IQCJ: variants seen among roughly 807,000 people sequenced by gnomAD.
IQCJ encodes IQ domain-containing protein J.
A neutral mutation model predicts 11.0 loss-of-function variants in IQCJ; 9 were observed. The ratio of observed to expected loss-of-function variants is 0.82; its 90% CI spans 0.49 to 1.43. The LOEUF is 1.43. Among genes scored for constraint, IQCJ ranks in the 40% most tolerant of loss-of-function variants. The pLI, the probability that IQCJ is intolerant of heterozygous loss-of-function variation, is 0.00. For missense variants in IQCJ, 146 were observed against 133.2 expected, an observed-to-expected ratio of 1.10 and a Z score of -0.47; for synonymous variants, 55 against 51.3, an observed-to-expected ratio of 1.07 and a Z score of -0.31.
intron 1 of IQCJ, among the ~76,000 whole-genome samples, chr3:159,202,395 G>C (rs756587713): frequency 6.6e-6 from 1 of 152,188 alleles, no homozygotes; most frequent in Non-Finnish European, 1.5e-5. Flanking sequence ...GAAAAATAAA[G>C]ATGCAATTTA....
At chr3:159,169,505 G>A (rs1400560585) in intron 1 of IQCJ, among the ~76,000 whole-genome samples, 1 of 151,578 alleles carries the variant, frequency 6.6e-6, no homozygotes, top group African/African-American at 2.4e-5. Flanking sequence ...GGTCAGGCTG[G>A]TCTCAAACTA....
At chr3:159,199,033 A>G (rs1024334934) in intron 1 of IQCJ, among the ~76,000 whole-genome samples, 4 of 152,206 alleles carry the variant, frequency 2.6e-5, no homozygotes, top group African/African-American at 9.7e-5. Flanking sequence ...CTATTTCTGG[A>G]TTCAGATGTC....
At chr3:159,248,779 T>A (rs918301884) in intron 2 of IQCJ, among the ~76,000 whole-genome samples, 3 of 152,226 alleles carry the variant, frequency 2.0e-5, no homozygotes, top group Admixed American at 1.3e-4. Context: ...CTCATGCAGC[T>A]TAATTCTCCA....
At chr3:159,201,536 T>C (rs1250209726) in intron 1 of IQCJ, among the ~76,000 whole-genome samples, 1 of 151,378 alleles carries the variant, frequency 6.6e-6, no homozygotes, top group Non-Finnish European at 1.5e-5. Context: ...TGTGTGTGTG[T>C]GTAAAAACCA....
At chr3:159,205,470 T>C (rs1359562015) in intron 1 of IQCJ, among the ~76,000 whole-genome samples, 1 of 152,198 alleles carries the variant, frequency 6.6e-6, no homozygotes, top group Admixed American at 6.5e-5. Context: ...GCATGATTGA[T>C]CAATTGTCTA....
intron 1 of IQCJ, among the ~76,000 whole-genome samples, chr3:159,173,085 C>T (rs1267827921): frequency 5.3e-5 from 8 of 152,128 alleles, no homozygotes; most frequent in African/African-American, 1.9e-4. Context: ...TCTTACTTTC[C>T]AGACCTTTTT....
intron 1 of IQCJ, among the ~76,000 whole-genome samples, chr3:159,201,703 C>A (rs997757462): frequency 6.9e-5 from 9 of 130,120 alleles, no homozygotes; most frequent in African/African-American, 2.3e-4. Flanking sequence ...GGCGGGATCT[C>A]GGCTCACTGC....
At chr3:159,202,630 T>C (rs761906909) in intron 1 of IQCJ, among the ~76,000 whole-genome samples, 1 of 152,208 alleles carries the variant, frequency 6.6e-6, no homozygotes, top group Non-Finnish European at 1.5e-5. Context: ...CGGAATGTTC[T>C]ATAGTGGCAA....
intron 1 of IQCJ, among the ~76,000 whole-genome samples, chr3:159,105,057 T>A (rs1718168261): frequency 6.6e-6 from 1 of 152,216 alleles, no homozygotes; most frequent in Non-Finnish European, 1.5e-5. Flanking sequence ...AATGTGTGAA[T>A]GAAATCAAGA....
At chr3:159,078,578 A>G (rs553792984) in intron 1 of IQCJ, among the ~76,000 whole-genome samples, 1 of 151,130 alleles carries the variant, frequency 6.6e-6, no homozygotes, top group Non-Finnish European at 1.5e-5. Context: ...CCAGCAGTCA[A>G]GGGCATGGCT....
At chr3:159,173,267 A>C (rs1193033194) in intron 1 of IQCJ, among the ~76,000 whole-genome samples, 1 of 152,152 alleles carries the variant, frequency 6.6e-6, no homozygotes, top group African/African-American at 2.4e-5. Context: ...TCATTGTACC[A>C]ATCATTTTTA....
At chr3:159,234,563 G>T (rs187008424) in intron 1 of IQCJ, among the ~76,000 whole-genome samples, 1 of 152,160 alleles carries the variant, frequency 6.6e-6, no homozygotes, top group Non-Finnish European at 1.5e-5. Flanking sequence ...CAGCACTTTG[G>T]GAGGCCAAGG....
At chr3:159,169,279 C>CTTTTTTTTTTTTTTTTTTTTTTTTTTTTT (rs141888128) in intron 1 of IQCJ, among the ~76,000 whole-genome samples, 1 of 56,396 alleles carries the variant, frequency 1.8e-5, no homozygotes, top group Non-Finnish European at 3.1e-5. Flanking sequence ...TTCTTTCTTT[C>CTTTTTTTTTTTTTTTTTTTTTTTTTTTTT]TTTTTTTTTT....
chr3:159,259,833 C>T lies in IQCJ; in HGVS notation c.156-2715C>T, dbSNP rs140217379. Among the ~76,000 whole-genome samples the T allele has an allele frequency of 3.9e-5, 6 of 152,148 alleles. No individual in the cohort carries two copies. The East Asian group carries it at 1.2e-3, about 29-fold the overall frequency. On this transcript the variant is annotated intron_variant, in intron 3 of 3. Coordinates refer to ENST00000397832, the MANE Select transcript of IQCJ (RefSeq NM_001042706.3). Reference sequence around the variant, plus strand: ...AGACTTGTCCAGCTTATCATCTAGTCCTCAAAACTGTAATTATGAAGGACA... The same window carrying T: ...AGACTTGTCCAGCTTATCATCTAGTTCTCAAAACTGTAATTATGAAGGACA...
intron 1 of IQCJ, among the ~76,000 whole-genome samples, chr3:159,130,165 A>G (rs1249960879): frequency 2.0e-5 from 3 of 152,238 alleles, no homozygotes; most frequent in Non-Finnish European, 2.9e-5. Flanking sequence ...TTATGTAAAT[A>G]GAATCATACA....
chr3:159,182,488 G>A (rs929120627), intron 1 of IQCJ, among the ~76,000 whole-genome samples: 1 of 152,042 alleles, frequency 6.6e-6, no homozygotes, highest in Non-Finnish European at 1.5e-5. Flanking sequence ...CAGACACCGA[G>A]TTAAAGAAGG....
intron 1 of IQCJ, among the ~76,000 whole-genome samples, chr3:159,219,249 T>G (rs1175184395): frequency 2.0e-5 from 3 of 152,154 alleles, no homozygotes; most frequent in Non-Finnish European, 2.9e-5. Context: ...ACATTCTGTC[T>G]GTCTGGAGGT....
At chr3:159,208,784 G>T (rs937428635) in intron 1 of IQCJ, among the ~76,000 whole-genome samples, 1 of 152,194 alleles carries the variant, frequency 6.6e-6, no homozygotes, top group Non-Finnish European at 1.5e-5. Context: ...CATAATTGAG[G>T]ATCTCAAGAT....
intron 1 of IQCJ, among the ~76,000 whole-genome samples, chr3:159,083,409 G>C (rs1054266319): frequency 6.6e-6 from 1 of 152,012 alleles, no homozygotes. Flanking sequence ...AATGACAGTG[G>C]GATATCACTA....
Sources: allele counts gnomAD v4.1 joint callset (sites outside exome capture counted in the v4.1 genomes callset), GRCh38; gene constraint gnomAD v4.1.1; transcripts MANE v1.5; gene names NCBI Gene and HGNC (gene_info 2026-07-23, HGNC 2026-07-21).